Variants in CDH4 observed in about 807,000 individuals in gnomAD.
CDH4 encodes cadherin-4.
In CDH4, 33 loss-of-function variants were observed where a neutral mutation model predicts 86.0. The observed-to-expected ratio is 0.38, with a 90% CI of 0.29 to 0.51. CDH4 has a LOEUF of 0.51. Among genes scored for constraint, CDH4 ranks in the 20% least tolerant of loss-of-function variants. The pLI, the probability that CDH4 is intolerant of heterozygous loss-of-function variation, is 0.86. For missense variants in CDH4, 1,114 were observed against 1,307.4 expected (o/e 0.85, Z 2.28); for synonymous variants, 555 against 549.4 (o/e 1.01, Z -0.14).
chr20:61,553,559 G>C (rs2086151549), intron 2 of CDH4, among the ~76,000 whole-genome samples: 1 of 152,242 alleles, frequency 6.6e-6, no homozygotes, highest in African/African-American at 2.4e-5. Context: ...GTATGCATCT[G>C]TCTTGCAGGT....
chr20:61,844,879 C>T, intron 5 of CDH4, 56 bp downstream of exon 5: 1 of 1,549,176 alleles, frequency 6.5e-7, no homozygotes, highest in Non-Finnish European at 8.8e-7. Flanking sequence ...CCCAGCCCTA[C>T]CAGGCCTTGG....
chr20:61,416,894 G>T (rs1270844426), intron 2 of CDH4, among the ~76,000 whole-genome samples: 1 of 152,056 alleles, frequency 6.6e-6, no homozygotes, highest in African/African-American at 2.4e-5. Flanking sequence ...GGACAGTTTT[G>T]TCCTGACTCA....
chr20:61,276,304 T>C (rs1328308920), intron 2 of CDH4, among the ~76,000 whole-genome samples: 3 of 152,236 alleles, frequency 2.0e-5, no homozygotes, highest in Non-Finnish European at 4.4e-5. Context: ...CATTTGCACT[T>C]TCAAACTCAA....
intron 2 of CDH4, among the ~76,000 whole-genome samples, chr20:61,583,332 G>A (rs1237048506): frequency 3.3e-5 from 5 of 151,894 alleles, no homozygotes; most frequent in South Asian, 2.1e-4. Context: ...AGGGCTGGAC[G>A]CAAGAGGTGG....
intron 2 of CDH4, among the ~76,000 whole-genome samples, chr20:61,552,781 A>G (rs2086143280): frequency 6.6e-6 from 1 of 152,184 alleles, no homozygotes; most frequent in Non-Finnish European, 1.5e-5. Context: ...TAAAAAGACA[A>G]TAACAAGTGT....
At chr20:61,586,920 G>A (rs1349230595) in intron 2 of CDH4, among the ~76,000 whole-genome samples, 1 of 152,222 alleles carries the variant, frequency 6.6e-6, no homozygotes, top group East Asian at 1.9e-4. Context: ...TGTGTACTAA[G>A]CCTGGGGATA....
At chr20:61,383,165 A>T (rs533393762) in intron 2 of CDH4, among the ~76,000 whole-genome samples, 1 of 87,332 alleles carries the variant, frequency 1.1e-5, no homozygotes, top group African/African-American at 6.0e-5. Context: ...TATATTATAT[A>T]TATGAATATA....
At chr20:61,846,371 C>T (rs1451373261) in intron 5 of CDH4, among the ~76,000 whole-genome samples, 1 of 152,230 alleles carries the variant, frequency 6.6e-6, no homozygotes, top group Admixed American at 6.5e-5. Context: ...GACAGGCCCT[C>T]AGCATGGCTG....
intron 2 of CDH4, among the ~76,000 whole-genome samples, chr20:61,383,596 GATATATA>G (rs2084928982): frequency 9.8e-5 from 1 of 10,246 alleles, no homozygotes; most frequent in East Asian, 0.018. Flanking sequence ...ATGAATATAT[GATATATA>G]TGATATATAT....
intron 2 of CDH4, among the ~76,000 whole-genome samples, chr20:61,273,191 G>T (rs1476560817): frequency 8.2e-6 from 1 of 121,228 alleles, no homozygotes. Context: ...GCAGTTTGGG[G>T]GAGCACCATG....
chr20:61,344,186 G>A (rs1451888018), intron 2 of CDH4, among the ~76,000 whole-genome samples: 2 of 152,140 alleles, frequency 1.3e-5, no homozygotes, highest in African/African-American at 4.8e-5. Context: ...CGAGTGGAAT[G>A]GTCCATGGGG....
intron 2 of CDH4, among the ~76,000 whole-genome samples, chr20:61,311,820 G>C (rs2084446989): frequency 6.6e-6 from 1 of 152,276 alleles, no homozygotes; most frequent in Non-Finnish European, 1.5e-5. Context: ...CAAAACATCT[G>C]AAAGTGGGTG....
chr20:61,480,884 A>G lies in CDH4; in HGVS notation c.169+225947A>G, dbSNP rs1477793047. Among the ~76,000 whole-genome samples, 3 of 152,232 alleles carry G rather than the reference A, an allele frequency of 2.0e-5. No individual in the cohort carries two copies. The highest frequency in any genetic ancestry group is 4.4e-5 in the Non-Finnish European group (3 of 68,046). On this transcript the variant is annotated intron_variant, in intron 2 of 15. Coordinates refer to ENST00000614565, the MANE Select transcript of CDH4 (RefSeq NM_001794.5). This position sits in a 1 kb window ranked among gnomAD's most constrained non-coding sequence, Gnocchi z 5.2. Reference sequence around the variant, plus strand: ...GTGCATTAGGTCTGCTCCTACATGCATTGCCCTCACATGGATTTGTGCGAC... The same window carrying G: ...GTGCATTAGGTCTGCTCCTACATGCGTTGCCCTCACATGGATTTGTGCGAC...
intron 2 of CDH4, among the ~76,000 whole-genome samples, chr20:61,321,055 C>T (rs1197431473): frequency 6.6e-6 from 1 of 152,128 alleles, no homozygotes; most frequent in Non-Finnish European, 1.5e-5. Context: ...CCCCTGACAC[C>T]GTGGGTCCTC....
At chr20:61,909,233 G>A (rs1459219032) in intron 8 of CDH4, among the ~76,000 whole-genome samples, 4 of 152,182 alleles carry the variant, frequency 2.6e-5, no homozygotes, top group Non-Finnish European at 4.4e-5. Flanking sequence ...TCCAGCGCCC[G>A]TCCTGGGAGG....
chr20:61,458,184 C>T (rs906421124), intron 2 of CDH4, among the ~76,000 whole-genome samples: 14 of 123,760 alleles, frequency 1.1e-4, no homozygotes, highest in Non-Finnish European at 2.0e-4. Flanking sequence ...CTGGTGGTGG[C>T]GGTGATGGTT....
chr20:61,868,176 C>A (rs1008777341), intron 6 of CDH4, among the ~76,000 whole-genome samples: 1 of 152,204 alleles, frequency 6.6e-6, no homozygotes, highest in Admixed American at 6.5e-5. Context: ...CCAGGGCCAC[C>A]AGCTCATCCC....
At chr20:61,760,772 G>A (rs1003939637) in intron 3 of CDH4, among the ~76,000 whole-genome samples, 3 of 152,184 alleles carry the variant, frequency 2.0e-5, no homozygotes, top group Admixed American at 6.5e-5. Context: ...CTTTTTATGA[G>A]AGATCAGAAG....
intron 2 of CDH4, among the ~76,000 whole-genome samples, chr20:61,345,212 G>A (rs1399628350): frequency 2.6e-5 from 4 of 152,220 alleles, no homozygotes; most frequent in African/African-American, 4.8e-5. Flanking sequence ...CTGCTGGCAT[G>A]TTTGCAGTTA....
Sources: allele counts gnomAD v4.1 joint callset (sites outside exome capture counted in the v4.1 genomes callset), GRCh38; gene constraint gnomAD v4.1.1; non-coding constraint Gnocchi (gnomAD v3.1); transcripts MANE v1.5; gene names NCBI Gene and HGNC (gene_info 2026-07-23, HGNC 2026-07-21).